Variants in NRG1 observed in about 807,000 individuals in gnomAD.
NRG1 encodes the protein neuregulin 1.
NRG1 carries 18 observed loss-of-function variants against 63.8 expected under a neutral mutation model. The observed-to-expected ratio is 0.28, with a 90% CI of 0.19 to 0.42. NRG1 has a LOEUF of 0.42. NRG1 is among the 10% of genes least tolerant of loss of function. The probability of loss-of-function intolerance (pLI) is 1.00; values close to 1 mark genes in which losing one functional copy is unlikely to be tolerated. For synonymous variants in NRG1, 302 were observed against 301.3 expected (o/e 1.00, Z -0.02); for missense variants, 762 against 814.7 (o/e 0.94, Z 0.79).
chr8:32,314,525 G>A (rs769159527), intron 1 of NRG1, among the ~76,000 whole-genome samples: 3 of 152,190 alleles, frequency 2.0e-5, no homozygotes, highest in Non-Finnish European at 4.4e-5. Flanking sequence ...AAGCTGTTCT[G>A]TAATACAGAA....
intron 5 of NRG1, among the ~76,000 whole-genome samples, chr8:32,700,123 AT>A (rs981532371): frequency 2.1e-4 from 32 of 152,022 alleles, no homozygotes; most frequent in African/African-American, 7.2e-4. Flanking sequence ...TATTCAAGTT[AT>A]TTTTTAAGCA....
At chr8:31,803,795 T>C (rs1440599831) in intron 1 of NRG1, among the ~76,000 whole-genome samples, 5 of 152,212 alleles carry the variant, frequency 3.3e-5, no homozygotes, top group African/African-American at 1.2e-4. Context: ...GTATCGCCTT[T>C]CTCTAGAACT....
At chr8:32,379,099 C>T (rs1810014355) in intron 1 of NRG1, among the ~76,000 whole-genome samples, 1 of 151,828 alleles carries the variant, frequency 6.6e-6, no homozygotes, top group Non-Finnish European at 1.5e-5. Context: ...TAAAACTTAG[C>T]ATATATCTAT....
intron 1 of NRG1, among the ~76,000 whole-genome samples, chr8:32,217,884 A>G (rs1194402147): frequency 6.6e-6 from 1 of 152,162 alleles, no homozygotes; most frequent in Non-Finnish European, 1.5e-5. Context: ...ACTAAGTCTA[A>G]AACAGATGAT....
chr8:32,666,502 A>G (rs1029683821), intron 5 of NRG1, among the ~76,000 whole-genome samples: 4 of 152,220 alleles, frequency 2.6e-5, no homozygotes, highest in African/African-American at 9.6e-5. Flanking sequence ...GGGAAAAAAA[A>G]GAGCGTGGTT....
chr8:31,669,266 CTT>C (rs1444356817), intron 1 of NRG1, among the ~76,000 whole-genome samples: 1 of 149,878 alleles, frequency 6.7e-6, no homozygotes, highest in African/African-American at 2.5e-5. Flanking sequence ...GAAATGGAGT[CTT>C]TCCCTTTTGC....
chr8:32,457,727 CT>C (rs1176163696), intron 1 of NRG1, among the ~76,000 whole-genome samples: 2 of 152,040 alleles, frequency 1.3e-5, no homozygotes, highest in African/African-American at 4.8e-5. Flanking sequence ...TTCAAGAGGA[CT>C]TTTTTGGGGA....
At chr8:31,781,597 C>T (rs570627522) in intron 1 of NRG1, among the ~76,000 whole-genome samples, 1 of 152,000 alleles carries the variant, frequency 6.6e-6, no homozygotes, top group East Asian at 1.9e-4. Context: ...GAAGAGTTCC[C>T]AAAACAGATG....
At chr8:32,649,768 C>T (rs74434147) in intron 5 of NRG1, among the ~76,000 whole-genome samples, 436 of 152,280 alleles carry the variant, frequency 2.9e-3, no homozygotes, top group Non-Finnish European at 4.8e-3. Context: ...TTCATGCAGA[C>T]GCTGCTTTGT....
At chr8:32,401,112 A>T (rs1813132316) in intron 1 of NRG1, among the ~76,000 whole-genome samples, 1 of 152,062 alleles carries the variant, frequency 6.6e-6, no homozygotes, top group African/African-American at 2.4e-5. Flanking sequence ...GGATACATGG[A>T]GGGGAACGAC....
intron 1 of NRG1, among the ~76,000 whole-genome samples, chr8:31,984,592 C>T (rs776688511): frequency 7.2e-5 from 11 of 152,070 alleles, no homozygotes; most frequent in Non-Finnish European, 1.2e-4. Context: ...GGAGAGAATG[C>T]TTGTGTTTGG....
intron 1 of NRG1, among the ~76,000 whole-genome samples, chr8:32,557,286 C>T (rs188942943): frequency 6.6e-6 from 1 of 152,288 alleles, no homozygotes; most frequent in African/African-American, 2.4e-5. Flanking sequence ...GGATTACAGG[C>T]ATGAGCCACT....
intron 5 of NRG1, among the ~76,000 whole-genome samples, chr8:32,623,292 G>C (rs1848655014): frequency 6.6e-6 from 1 of 152,072 alleles, no homozygotes; most frequent in Non-Finnish European, 1.5e-5. Context: ...AGTTGTAACT[G>C]ACTTACCTGC....
intron 1 of NRG1, among the ~76,000 whole-genome samples, chr8:32,282,919 A>G (rs1853052944): frequency 6.6e-6 from 1 of 152,116 alleles, no homozygotes; most frequent in South Asian, 2.1e-4. Flanking sequence ...ACTAAAAGGC[A>G]TTTGGTGTTG....
chr8:32,756,565 T>C, intron 9 of NRG1, 36 bp downstream of exon 9: 1 of 1,590,298 alleles, frequency 6.3e-7, no homozygotes, highest in Non-Finnish European at 8.5e-7. Flanking sequence ...AAACTGAGCC[T>C]CTCTCCTTTG....
At chr8:32,102,872 GCTTT>G (rs1423372503) in intron 1 of NRG1, among the ~76,000 whole-genome samples, 2 of 151,940 alleles carry the variant, frequency 1.3e-5, no homozygotes, top group Admixed American at 6.6e-5. Flanking sequence ...TGTCTTGGTG[GCTTT>G]CTAAGTTTTT....
chr8:32,557,705 G>A (rs1835450075), intron 1 of NRG1, among the ~76,000 whole-genome samples: 1 of 152,008 alleles, frequency 6.6e-6, no homozygotes, highest in Non-Finnish European at 1.5e-5. Flanking sequence ...ACCTTCCCGG[G>A]GGATTGCTCA....
intron 1 of NRG1, among the ~76,000 whole-genome samples, chr8:31,758,394 TCC>T (rs1817196563): frequency 6.6e-6 from 1 of 152,134 alleles, no homozygotes; most frequent in South Asian, 2.1e-4. Flanking sequence ...TAAATCATTC[TCC>T]TATAAAGACA....
chr8:32,633,044 A>C (rs887791855), intron 5 of NRG1, among the ~76,000 whole-genome samples: 1 of 152,022 alleles, frequency 6.6e-6, no homozygotes, highest in African/African-American at 2.4e-5. Flanking sequence ...TTTCTCTTTG[A>C]TTTTTGACTA....
Sources: allele counts gnomAD v4.1 joint callset (sites outside exome capture counted in the v4.1 genomes callset), GRCh38; gene constraint gnomAD v4.1.1; transcripts MANE v1.5; gene names NCBI Gene and HGNC (gene_info 2026-07-23, HGNC 2026-07-21).